The following DPP6 variants were observed in gnomAD, a reference collection of about 807,000 sequenced individuals.
DPP6 encodes dipeptidyl peptidase like 6, also known as A-type potassium channel modulatory protein DPP6.
Under a neutral mutation model 122.6 loss-of-function variants are expected in DPP6, and 69 were observed. The observed-to-expected ratio is 0.56, with a 90% confidence interval of 0.46 to 0.69. The LOEUF is 0.69. Ranked by LOEUF, DPP6 falls within the 30% of genes least tolerant of loss-of-function variation. The pLI, the probability that DPP6 is intolerant of heterozygous loss-of-function variation, is 0.00. For missense variants in DPP6, 928 were observed against 1,116.9 expected (o/e 0.83, Z 2.41); for synonymous variants, 418 against 433.1 (o/e 0.97, Z 0.43).
chr7:154,664,630 C>G (rs1838028286), intron 6 of DPP6, among the ~76,000 whole-genome samples: 1 of 150,550 alleles, frequency 6.6e-6, no homozygotes, highest in Non-Finnish European at 1.5e-5. Flanking sequence ...ATAATGAGGG[C>G]CTGTGCTGTG....
chr7:153,890,219 C>A (rs749864655), intron 1 of DPP6, among the ~76,000 whole-genome samples: 5 of 152,236 alleles, frequency 3.3e-5, no homozygotes, highest in Non-Finnish European at 7.3e-5. Context: ...CACACAGAGA[C>A]CAGATCTCAG....
chr7:153,879,624 A>G, the DPP6 span, among the ~76,000 whole-genome samples: 1 of 152,178 alleles, frequency 6.6e-6, no homozygotes, highest in African/African-American at 2.4e-5. Context: ...TCCTGACCTC[A>G]GGTGAACCAC....
chr7:154,091,608 G>A (rs1176637582), intron 1 of DPP6, among the ~76,000 whole-genome samples: 2 of 151,390 alleles, frequency 1.3e-5, no homozygotes, highest in Admixed American at 6.6e-5. Flanking sequence ...GAGGGACAGA[G>A]AGAGAGCAGA....
At chr7:154,480,483 C>T (rs35818043) in intron 3 of DPP6, among the ~76,000 whole-genome samples, 20,361 of 152,198 alleles carry the variant, frequency 0.13, 2,173 homozygotes, top group African/African-American at 0.29. Flanking sequence ...GATTCCTCCT[C>T]TGCCCTGGAT....
At chr7:153,763,673 A>G in the DPP6 span, among the ~76,000 whole-genome samples, 6 of 152,222 alleles carry the variant, frequency 3.9e-5, no homozygotes, top group African/African-American at 1.4e-4. Context: ...CTAATGTGTT[A>G]TAGAGCTGGA....
At chr7:154,823,754 G>A (rs751686495) in intron 16 of DPP6, among the ~76,000 whole-genome samples, 2 of 152,152 alleles carry the variant, frequency 1.3e-5, no homozygotes, top group Non-Finnish European at 2.9e-5. Context: ...ATGGACTAAG[G>A]TCCTTGCCAG....
intron 4 of DPP6, among the ~76,000 whole-genome samples, chr7:154,543,126 A>T (rs146960851): frequency 6.6e-6 from 1 of 152,298 alleles, no homozygotes; most frequent in Non-Finnish European, 1.5e-5. Flanking sequence ...CTTCCTGGTG[A>T]CTGATCAGGT....
chr7:154,402,250 A>T (rs1815683837), intron 1 of DPP6, among the ~76,000 whole-genome samples: 1 of 152,134 alleles, frequency 6.6e-6, no homozygotes, highest in South Asian at 2.1e-4. Context: ...ATTACTGGGT[A>T]TATACCCAGA....
chr7:154,193,630 G>T (rs1437943444), intron 1 of DPP6, among the ~76,000 whole-genome samples: 2 of 152,120 alleles, frequency 1.3e-5, no homozygotes, highest in African/African-American at 4.8e-5. Flanking sequence ...TGCATGTGAG[G>T]CAGGGGCATG....
At chr7:153,818,974 A>T in the DPP6 span, among the ~76,000 whole-genome samples, 4 of 147,842 alleles carry the variant, frequency 2.7e-5, no homozygotes, top group Non-Finnish European at 5.9e-5. Context: ...CTGGTCTCGA[A>T]CTCCTGACCT....
intron 1 of DPP6, chr7:154,092,105 T>C (rs1390837090): frequency 6.6e-6 from 1 of 152,122 alleles, no homozygotes; most frequent in Non-Finnish European, 1.5e-5. Context: ...CACCTGTGTA[T>C]TGTATCTGTT....
intron 1 of DPP6, among the ~76,000 whole-genome samples, chr7:154,321,123 A>T (rs1254859267): frequency 6.6e-6 from 1 of 152,090 alleles, no homozygotes; most frequent in African/African-American, 2.4e-5. Context: ...CTCTACAAAA[A>T]AATACCAAAA....
intron 7 of DPP6, among the ~76,000 whole-genome samples, chr7:154,683,196 C>T (rs752382840): frequency 1.4e-4 from 22 of 152,150 alleles, no homozygotes; most frequent in Admixed American, 2.6e-4. Flanking sequence ...ATTTAATTAA[C>T]GTACACTATG....
At chr7:154,578,942 C>T (rs538985636) in intron 5 of DPP6, among the ~76,000 whole-genome samples, 4 of 152,210 alleles carry the variant, frequency 2.6e-5, no homozygotes, top group South Asian at 2.1e-4. Context: ...GTAGAAGGAG[C>T]GTAACAGTGG....
chr7:153,943,463 T>A (rs1177852256), intron 1 of DPP6, among the ~76,000 whole-genome samples: 1 of 152,178 alleles, frequency 6.6e-6, no homozygotes, highest in African/African-American at 2.4e-5. Flanking sequence ...AGAGCCCTCT[T>A]TTTTGTCCTT....
intron 1 of DPP6, among the ~76,000 whole-genome samples, chr7:154,061,826 C>T (rs1460999430): frequency 5.1e-3 from 604 of 117,568 alleles, no homozygotes; most frequent in Non-Finnish European, 6.2e-3. Context: ...GCCCCTCTTC[C>T]CCCCTTTGCT....
intron 1 of DPP6, among the ~76,000 whole-genome samples, chr7:154,019,080 A>T (rs1042416757): frequency 1.3e-5 from 2 of 152,182 alleles, no homozygotes; most frequent in Admixed American, 6.5e-5. Flanking sequence ...GCTATCTGTG[A>T]TGCATCTATT....
At chr7:154,198,322 T>A (rs5888562) in intron 1 of DPP6, among the ~76,000 whole-genome samples, 48 of 4,642 alleles carry the variant, frequency 0.01, 1 homozygote, top group South Asian at 0.049. Flanking sequence ...TATTATTATT[T>A]TTTTTTTGAG....
intron 1 of DPP6, among the ~76,000 whole-genome samples, chr7:154,105,983 A>G (rs1002173656): frequency 2.7e-5 from 4 of 150,450 alleles, no homozygotes; most frequent in African/African-American, 9.9e-5. Flanking sequence ...CCTCATGTGT[A>G]CCCTGGGCCC....
Sources: gnomAD v4.1 joint callset for allele counts (sites outside exome capture counted in the v4.1 genomes callset) on GRCh38, gnomAD v4.1.1 for gene constraint, MANE v1.5 for transcripts, NCBI Gene and HGNC (gene_info 2026-07-23, HGNC 2026-07-21) for gene names.